Variants in IQCM observed in about 807,000 individuals in gnomAD.
IQCM encodes IQ domain-containing protein M.
IQCM carries 45 observed loss-of-function variants against 57.6 expected under a neutral mutation model. That is an observed-to-expected ratio of 0.78 (90% CI 0.62 to 1.00). The LOEUF is 1.00. Among genes scored for constraint, IQCM ranks in the 50% least tolerant of loss-of-function variants. The pLI, the probability that IQCM is intolerant of heterozygous loss-of-function variation, is 0.00. For missense variants in IQCM, 468 were observed against 511.6 expected, an observed-to-expected ratio of 0.91 and a Z score of 0.82; for synonymous variants, 148 against 158.9, an observed-to-expected ratio of 0.93 and a Z score of 0.51.
chr4:149,489,025 A>G (rs1741816865), intron 12 of IQCM, among the ~76,000 whole-genome samples: 1 of 152,136 alleles, frequency 6.6e-6, no homozygotes, highest in African/African-American at 2.4e-5. Context: ...TAGCTAAAAG[A>G]CTTTCATGAT....
At chr4:149,785,894 G>A (rs1772039666) in intron 2 of IQCM, among the ~76,000 whole-genome samples, 1 of 151,528 alleles carries the variant, frequency 6.6e-6, no homozygotes, top group Non-Finnish European at 1.5e-5. Flanking sequence ...GCTTGATGTA[G>A]TTTGTTGAGT....
chr4:149,645,260 T>C (rs781162082), intron 7 of IQCM, among the ~76,000 whole-genome samples: 1 of 152,202 alleles, frequency 6.6e-6, no homozygotes, highest in Non-Finnish European at 1.5e-5. Context: ...CTTTATTTGA[T>C]GAACAGAAGT....
chr4:149,781,365 C>T (rs1158917000), intron 2 of IQCM, among the ~76,000 whole-genome samples: 2 of 152,188 alleles, frequency 1.3e-5, no homozygotes, highest in Non-Finnish European at 2.9e-5. Flanking sequence ...CCGTCCCACT[C>T]CATCCCACCC....
At chr4:149,615,208 A>C (rs765906811) in intron 8 of IQCM, among the ~76,000 whole-genome samples, 2 of 152,138 alleles carry the variant, frequency 1.3e-5, no homozygotes, top group Non-Finnish European at 2.9e-5. Context: ...TAAAGTTAGC[A>C]AACCTTTTAA....
Position 149,809,928 on chromosome 4 carries a change from C to T in IQCM, c.-49+5383G>A, listed in dbSNP as rs138935869. On this transcript the variant is annotated intron_variant, in intron 2 of 13. Coordinates refer to ENST00000636793, the MANE Select transcript of IQCM (RefSeq NM_001363507.2). ...GCTGAAAATATTCCACAGACAAGTA[C>T]TCTCAGTTATCTCTTTTCCTTAATA... Among the ~76,000 whole-genome samples the T allele has an allele frequency of 1.5e-3, 231 of 152,254 alleles. 1 individual carries two copies. The highest frequency in any genetic ancestry group is 5.2e-3 in the African/African-American group (216 of 41,550).
At chr4:149,376,433 A>G (rs1032415425) in intron 13 of IQCM, among the ~76,000 whole-genome samples, 9 of 152,304 alleles carry the variant, frequency 5.9e-5, no homozygotes, top group Non-Finnish European at 1.2e-4. Flanking sequence ...AGAGAGATAC[A>G]AGATGCTATT....
Position 149,773,941 on chromosome 4 carries a change from C to G in IQCM, c.-48-31202G>C, listed in dbSNP as rs17026438. ...TCATCTCAGCCCTGAAATGCCAAATCTGTAACAATATTAATATGGTAATGC... is the reference window on the plus strand; with the variant it reads ...TCATCTCAGCCCTGAAATGCCAAATGTGTAACAATATTAATATGGTAATGC... On this transcript the variant is annotated intron_variant, in intron 2 of 13. Coordinates refer to ENST00000636793, the MANE Select transcript of IQCM (RefSeq NM_001363507.2). 3.3e-5 allele frequency among the ~76,000 whole-genome samples: 5 copies of G among 152,078 alleles called. No homozygotes were observed. In the South Asian group the frequency reaches 6.2e-4, roughly 19 times the overall value.
chr4:149,474,396 C>A (rs1008246411), intron 12 of IQCM, among the ~76,000 whole-genome samples: 1 of 151,610 alleles, frequency 6.6e-6, no homozygotes, highest in Non-Finnish European at 1.5e-5. Flanking sequence ...GGCAATAGAG[C>A]AAGACCATAT....
At chr4:149,543,077 A>G (rs1218641284) in intron 12 of IQCM, among the ~76,000 whole-genome samples, 1 of 152,132 alleles carries the variant, frequency 6.6e-6, no homozygotes, top group East Asian at 1.9e-4. Context: ...AAAAATACAT[A>G]TTCTAAATTA....
intron 9 of IQCM, among the ~76,000 whole-genome samples, chr4:149,564,387 G>A (rs1750414047): frequency 6.6e-6 from 1 of 152,204 alleles, no homozygotes; most frequent in East Asian, 1.9e-4. Context: ...GATGGGAAAG[G>A]TGATACTGCA....
chr4:149,657,706 C>T (rs990606750), intron 7 of IQCM, among the ~76,000 whole-genome samples: 1 of 152,044 alleles, frequency 6.6e-6, no homozygotes, highest in African/African-American at 2.4e-5. Context: ...CATTCTAACT[C>T]AAATGAGATG....
intron 13 of IQCM, among the ~76,000 whole-genome samples, chr4:149,418,660 C>T (rs1733918822): frequency 6.6e-6 from 1 of 151,846 alleles, no homozygotes; most frequent in African/African-American, 2.4e-5. Flanking sequence ...AGGCCAATAT[C>T]TCTGATGAAG....
intron 5 of IQCM, among the ~76,000 whole-genome samples, chr4:149,728,406 A>C (rs1013763623): frequency 6.6e-6 from 1 of 152,236 alleles, no homozygotes; most frequent in Non-Finnish European, 1.5e-5. Flanking sequence ...CACAGGTTCC[A>C]CGAGGACACA....
intron 6 of IQCM, 35 bp from the exon 7 acceptor site, chr4:149,682,241 T>C (rs1354636821): frequency 2.2e-6 from 2 of 903,016 alleles, no homozygotes; most frequent in South Asian, 5.7e-5. Context: ...AGTAATTTGA[T>C]AGTCCCTATT....
At chr4:149,480,683 C>T (rs996080410) in intron 12 of IQCM, among the ~76,000 whole-genome samples, 1 of 152,170 alleles carries the variant, frequency 6.6e-6, no homozygotes, top group African/African-American at 2.4e-5. Context: ...TAGATTGCTT[C>T]CAAATTTTGG....
chr4:149,737,001 A>C (rs929492533), intron 3 of IQCM, among the ~76,000 whole-genome samples: 2 of 152,224 alleles, frequency 1.3e-5, no homozygotes, highest in African/African-American at 4.8e-5. Flanking sequence ...ACTACTTAGC[A>C]ATAAAAAGAG....
intron 2 of IQCM, among the ~76,000 whole-genome samples, chr4:149,744,322 A>G (rs998169053): frequency 1.3e-5 from 2 of 152,196 alleles, no homozygotes; most frequent in African/African-American, 4.8e-5. Context: ...GCAATTAACA[A>G]TCAGAACTCA....
At chr4:149,648,709 G>C (rs1758875459) in intron 7 of IQCM, among the ~76,000 whole-genome samples, 1 of 152,076 alleles carries the variant, frequency 6.6e-6, no homozygotes, top group East Asian at 1.9e-4. Flanking sequence ...GAGAACACAT[G>C]GACACAGGAA....
rs1158618700 is a variant in IQCM at position 149,563,862 on chromosome 4, T to C, written c.778A>G (p.Lys260Glu). The change falls in exon 10 of 14, where the codon AAA becomes GAA. Residue 260 changes from lysine (K) to glutamate (E), a missense_variant. By Grantham distance (56) the Lys-to-Glu change is moderately conservative. Transcript: ENST00000636793. ...RIKGTPNKTD[K>E]LDSKVKRIGP... ...ATTCTTTTAACTTTACTGTCAAGTT[T>C]ATCAGTTTTATTTGGAGTACCTTTT... 3 of 1,230,800 alleles carry C rather than the reference T, an allele frequency of 2.4e-6. No individual in the cohort carries two copies. Among genetic ancestry groups the C allele is most frequent in the Admixed American group, 4.2e-5 (1 of 23,686 alleles). The allele number at this position is 1,230,800 out of a possible 1,614,324, so 76.2% of individuals were successfully genotyped here. A position where few individuals can be genotyped will look rare whatever the true frequency, so the allele number is the denominator to read the frequency against.
Sources: allele counts gnomAD v4.1 joint callset (sites outside exome capture counted in the v4.1 genomes callset), GRCh38; gene constraint gnomAD v4.1.1; transcripts MANE v1.5; gene names NCBI Gene and HGNC (gene_info 2026-07-23, HGNC 2026-07-21).